Variants in SHPRH observed in about 807,000 individuals in gnomAD.
SHPRH encodes SNF2 histone linker PHD RING helicase, also known as E3 ubiquitin-protein ligase SHPRH.
In SHPRH, 106 loss-of-function variants were observed where a neutral mutation model predicts 202.5. The ratio of observed to expected loss-of-function variants is 0.52; its 90% confidence interval spans 0.45 to 0.62. The LOEUF (loss-of-function observed/expected upper bound fraction) is 0.62, where lower values mean the gene tolerates loss of function less well. SHPRH is among the 20% of genes least tolerant of loss of function. The pLI, the probability that SHPRH is intolerant of heterozygous loss-of-function variation, is 0.00. For missense variants in SHPRH, 1,710 were observed against 2,020.0 expected (o/e 0.85, Z 2.94); for synonymous variants, 729 against 686.0 (o/e 1.06, Z -0.98).
chr6:145,886,929 G>T (rs964696537), intron 29 of SHPRH, 142 bp from the exon 30 acceptor site: 38 of 776,638 alleles, frequency 4.9e-5, no homozygotes, highest in Non-Finnish European at 6.8e-5. Context: ...GAAAGCAAGT[G>T]ATAAAATCTT....
At chr6:145,872,170 T>G (rs116816005) in intron 2 of SHPRH, among the ~76,000 whole-genome samples, 5,880 of 152,102 alleles carry the variant, frequency 0.039, 383 homozygotes, top group African/African-American at 0.13. Context: ...TAAAAGCAAT[T>G]GCAACAAAAG....
intron 25 of SHPRH, chr6:145,904,167 A>G (rs931116364): frequency 2.6e-5 from 4 of 152,112 alleles, no homozygotes; most frequent in Non-Finnish European, 5.9e-5. Flanking sequence ...CAAAAAAGCT[A>G]TATGATTAAG....
intron 25 of SHPRH, among the ~76,000 whole-genome samples, chr6:145,901,198 G>A (rs558222274): frequency 6.6e-6 from 1 of 152,082 alleles, no homozygotes; most frequent in African/African-American, 2.4e-5. Flanking sequence ...ACACTCTAAC[G>A]CGTGTTGCAG....
chr6:145,934,415 G>A (rs1403485785), intron 13 of SHPRH, among the ~76,000 whole-genome samples: 2 of 118,026 alleles, frequency 1.7e-5, no homozygotes, highest in African/African-American at 5.4e-5. Context: ...GCAGTGAGCT[G>A]AGATTGTGCC....
At chr6:145,936,643 C>G (rs1238371678) in intron 11 of SHPRH, among the ~76,000 whole-genome samples, 1 of 151,980 alleles carries the variant, frequency 6.6e-6, no homozygotes, top group African/African-American at 2.4e-5. Flanking sequence ...TTTCTTTATA[C>G]TTTTATGTAC....
At chr6:145,930,043 T>C (rs912966077) in intron 14 of SHPRH, among the ~76,000 whole-genome samples, 3 of 152,138 alleles carry the variant, frequency 2.0e-5, no homozygotes, top group African/African-American at 7.2e-5. Flanking sequence ...ATATATACCA[T>C]TTCACAGGGT....
intron 25 of SHPRH, chr6:145,907,514 C>G (rs1783073794): frequency 6.6e-6 from 1 of 152,102 alleles, no homozygotes; most frequent in Non-Finnish European, 1.5e-5. Flanking sequence ...ATAAAATTCT[C>G]AAATGTTCAG....
intron 2 of SHPRH, among the ~76,000 whole-genome samples, chr6:145,869,621 A>G (rs1170526806): frequency 1.3e-5 from 2 of 152,116 alleles, no homozygotes; most frequent in African/African-American, 4.8e-5. Flanking sequence ...GTTTTATCAA[A>G]GATTAGTTGG....
intron 2 of SHPRH, among the ~76,000 whole-genome samples, chr6:145,873,642 T>A (rs1226979401): frequency 7.0e-6 from 1 of 142,446 alleles, no homozygotes; most frequent in Admixed American, 7.5e-5. Flanking sequence ...ATACTGTAAT[T>A]GCTAAGTGTC....
chr6:145,886,895 T>C (rs1226145091), intron 29 of SHPRH, 108 bp from the exon 30 acceptor site: 5 of 1,192,942 alleles, frequency 4.2e-6, no homozygotes, highest in Admixed American at 3.1e-5. Flanking sequence ...GTTTTTGTAA[T>C]TGGGATATAA....
chr6:145,918,275 G>C, intron 22 of SHPRH, 43 bp from the exon 23 acceptor site: 1 of 1,277,738 alleles, frequency 7.8e-7, no homozygotes, highest in Non-Finnish European at 1.0e-6. Context: ...CTTTCAGAAA[G>C]ACAGTTAAAT....
Position 145,945,359 on chromosome 6 carries a change from A to G in SHPRH, c.1578+22T>C, listed in dbSNP as rs1333990800. 2.5e-6 allele frequency: 4 copies of G among 1,596,082 alleles called. No homozygotes were observed. The East Asian group carries it at 6.7e-5, about 27-fold the overall frequency. ...TATCACATACGTGTACTTAATATAG[A>G]GCTGAACTTAAGCTCTGTTACCTGC... On this transcript the variant is annotated intron_variant, in intron 8 of 29. Transcript: ENST00000275233.
chr6:145,923,751 ATCACATTTAG>A lies in SHPRH; in HGVS notation c.3427_3436del (p.Leu1143SerfsTer5). On this transcript the variant is annotated frameshift_variant, in exon 18 of 30. Coordinates refer to ENST00000275233, the MANE Select transcript of SHPRH (RefSeq NM_001042683.3). LOFTEE classifies it high-confidence loss of function. ...AATAGTAAATTCTATTGCTCTGTGGATCACATTTAGCCACCAAGGAGAATTAGAATGAATC... is the reference window on the plus strand; with the variant it reads ...AATAGTAAATTCTATTGCTCTGTGGACCACCAAGGAGAATTAGAATGAATC... 1 of 1,610,674 alleles carries A rather than the reference ATCACATTTAG, an allele frequency of 6.2e-7. No individual in the cohort carries two copies. Among genetic ancestry groups the A allele is most frequent in the South Asian group, 1.1e-5 (1 of 90,632 alleles).
chr6:145,887,513 C>A (rs1004933620), intron 29 of SHPRH, among the ~76,000 whole-genome samples: 3 of 148,254 alleles, frequency 2.0e-5, no homozygotes, highest in Admixed American at 6.8e-5. Flanking sequence ...ATTGACACCA[C>A]AATTAACCTT....
At chr6:145,932,613 CA>C (rs1485219938) in intron 14 of SHPRH, among the ~76,000 whole-genome samples, 1 of 152,104 alleles carries the variant, frequency 6.6e-6, no homozygotes, top group East Asian at 1.9e-4. Context: ...TTACCTAGAT[CA>C]GATGTGGCAC....
intron 2 of SHPRH, among the ~76,000 whole-genome samples, chr6:145,866,729 GA>G (rs1046901026): frequency 7.2e-5 from 11 of 152,304 alleles, no homozygotes; most frequent in African/African-American, 2.4e-4. Context: ...TTCCAGGGAG[GA>G]GGCCACTTAT....
In SHPRH at chr6:145,954,942, CTG is replaced by C; in HGVS notation, c.379_380del (p.Gln127GlufsTer4). 1 of 1,613,832 alleles carries C rather than the reference CTG, an allele frequency of 6.2e-7. No homozygotes were observed. The highest frequency in any genetic ancestry group is 8.5e-7 in the Non-Finnish European group (1 of 1,179,916). On this transcript the variant is annotated frameshift_variant, in exon 2 of 30. Transcript: ENST00000275233. LOFTEE classifies it high-confidence loss of function. ...TTTCGGAAAAATTTTCAATTAAACTCTGTGCAGGAAGAAGCTGAAGAGTTAAT... is the reference window on the plus strand; with the variant it reads ...TTTCGGAAAAATTTTCAATTAAACTCTGCAGGAAGAAGCTGAAGAGTTAAT... ...GELTLQLLPAQSLIENFSERS... is the reference protein window; with the variant it reads ...GELTLQLLPAXSLIENFSERS...
At chr6:145,943,110 T>C (rs769447503) in intron 9 of SHPRH, 33 bp downstream of exon 9, 1 of 1,523,882 alleles carries the variant, frequency 6.6e-7, no homozygotes, top group South Asian at 1.3e-5. Context: ...AACTTTACAT[T>C]TTCCTCTCCC....
intron 9 of SHPRH, among the ~76,000 whole-genome samples, chr6:145,942,718 A>C (rs1347489261): frequency 6.6e-6 from 1 of 152,222 alleles, no homozygotes; most frequent in Admixed American, 6.5e-5. Flanking sequence ...TTTGCTGTAT[A>C]AGTAAATTCT....
Sources: gnomAD v4.1 joint callset for allele counts (sites outside exome capture counted in the v4.1 genomes callset) on GRCh38, gnomAD v4.1.1 for gene constraint, MANE v1.5 for transcripts, NCBI Gene and HGNC (gene_info 2026-07-23, HGNC 2026-07-21) for gene names.